The following RYR2 variants were observed in gnomAD, a reference collection of about 807,000 sequenced individuals.
The protein encoded by RYR2 is ryanodine receptor 2, also known as cardiac muscle ryanodine receptor-calcium release channel.
RYR2 carries 227 observed loss-of-function variants against 601.1 expected under a neutral mutation model. The observed-to-expected ratio is 0.38, with a 90% CI of 0.34 to 0.42. RYR2 has a LOEUF of 0.42. Ranked by LOEUF, RYR2 falls within the 10% of genes least tolerant of loss-of-function variation. The pLI is 1.00. For missense variants in RYR2, 4,646 were observed against 6,156.5 expected (o/e 0.75, Z 8.21); for synonymous variants, 2,223 against 2,175.1 (o/e 1.02, Z -0.61).
At chr1:237,765,236 C>A (rs1385080224) in intron 84 of RYR2, among the ~76,000 whole-genome samples, 1 of 152,020 alleles carries the variant, frequency 6.6e-6, no homozygotes, top group African/African-American at 2.4e-5. Context: ...AACCATTAAC[C>A]CCATTACCAA....
intron 1 of RYR2, among the ~76,000 whole-genome samples, chr1:237,051,023 T>A (rs945859415): frequency 7.2e-5 from 11 of 152,240 alleles, no homozygotes; most frequent in African/African-American, 1.2e-4. Flanking sequence ...ATATTTTTTT[T>A]CACCAATTTT....
chr1:237,094,548 G>A (rs1266290012), intron 1 of RYR2, among the ~76,000 whole-genome samples: 2 of 151,138 alleles, frequency 1.3e-5, no homozygotes, highest in Non-Finnish European at 2.9e-5. Context: ...TTTTATGAAT[G>A]CATCATTTGT....
intron 1 of RYR2, among the ~76,000 whole-genome samples, chr1:237,190,248 T>C (rs550770157): frequency 1.2e-4 from 18 of 152,328 alleles, no homozygotes; most frequent in Non-Finnish European, 1.3e-4. Context: ...CGTAGTGTTC[T>C]GATTTCTCTG....
chr1:237,553,991 G>C (rs183571209), intron 27 of RYR2, among the ~76,000 whole-genome samples: 4 of 151,808 alleles, frequency 2.6e-5, no homozygotes, highest in African/African-American at 9.7e-5. Context: ...TTTACAATTG[G>C]TATAGCTTTT....
At position 237,658,031 on chromosome 1, in the gene RYR2, A is replaced by G; in HGVS notation, c.8208+9A>G. The G allele has an allele frequency of 1.4e-6, 2 of 1,437,234 alleles. No individual in the cohort carries two copies. Among genetic ancestry groups the G allele is most frequent in the South Asian group, 1.4e-5 (1 of 70,340 alleles). The allele number at this position is 1,437,234 out of a possible 1,614,324, so 89.0% of individuals were successfully genotyped here. A position where few individuals can be genotyped will look rare whatever the true frequency, so the allele number is the denominator to read the frequency against. On this transcript the variant is annotated intron_variant, in intron 54 of 104. Transcript: ENST00000366574. ...AATGGTCAATGGACAAGGTAAAAAG[A>G]GTATTACATTCTAATTCAGTAGTCA...
At chr1:237,571,233 A>C (rs1407326468) in intron 29 of RYR2, among the ~76,000 whole-genome samples, 1 of 152,048 alleles carries the variant, frequency 6.6e-6, no homozygotes, top group Non-Finnish European at 1.5e-5. Flanking sequence ...GCATATAAAA[A>C]TGTATATATA....
intron 1 of RYR2, among the ~76,000 whole-genome samples, chr1:237,059,204 G>C (rs1482912074): frequency 6.6e-6 from 1 of 152,100 alleles, no homozygotes; most frequent in African/African-American, 2.4e-5. Context: ...TTAAGAGGGT[G>C]CTGTGTATAA....
intron 70 of RYR2, among the ~76,000 whole-genome samples, chr1:237,710,698 T>TATA (rs1688759429): frequency 2.3e-4 from 2 of 8,708 alleles, no homozygotes; most frequent in South Asian, 0.019. Flanking sequence ...AGATTAGGTA[T>TATA]GTAGATAGAT....
chr1:237,255,311 A>G (rs969873475), intron 1 of RYR2, among the ~76,000 whole-genome samples: 1 of 152,170 alleles, frequency 6.6e-6, no homozygotes, highest in African/African-American at 2.4e-5. Flanking sequence ...TAGATCTGAT[A>G]TTTTTACTCA....
chr1:237,047,819 T>C, intron 1 of RYR2, among the ~76,000 whole-genome samples: 1 of 152,198 alleles, frequency 6.6e-6, no homozygotes. Flanking sequence ...TCCCAAAAGA[T>C]TCTGTCCTAT....
intron 25 of RYR2, among the ~76,000 whole-genome samples, chr1:237,533,246 C>T (rs1240631783): frequency 6.6e-6 from 1 of 152,092 alleles, no homozygotes; most frequent in Non-Finnish European, 1.5e-5. Flanking sequence ...TTTATTCTTT[C>T]TCTATTGACA....
In RYR2 at chr1:237,595,528, T is replaced by C; in HGVS notation, c.4467T>C (p.Cys1489=). The C allele has an allele frequency of 6.2e-7, 1 of 1,613,616 alleles. No individual in the cohort carries two copies. The highest frequency in any genetic ancestry group is 1.1e-5 in the South Asian group (1 of 90,994). ...AACGCAGCAACTGCTATATGGTATG[T>C]GCGGGTGAGAGCATGAGCCCCGGGC... ...SIKRSNCYMV[C]AGESMSPGQG... is the part of the protein sequence containing the mutation. The change falls in exon 34 of 105, where the codon TGT becomes TGC. Residue 1489 remains cysteine (C), a synonymous_variant. Coordinates refer to ENST00000366574, the MANE Select transcript of RYR2 (RefSeq NM_001035.3).
intron 1 of RYR2, among the ~76,000 whole-genome samples, chr1:237,226,193 G>A (rs547086550): frequency 2.6e-5 from 4 of 152,322 alleles, no homozygotes; most frequent in Admixed American, 2.6e-4. Flanking sequence ...TTATGGCTCA[G>A]TGGGAAAATT....
At chr1:237,684,405 G>A (rs1018501501) in intron 62 of RYR2, among the ~76,000 whole-genome samples, 4 of 152,208 alleles carry the variant, frequency 2.6e-5, no homozygotes, top group Admixed American at 6.5e-5. Context: ...ATGAGTGTCA[G>A]TGGAGACATC....
At chr1:237,441,175 G>A in intron 12 of RYR2, 144 bp from the exon 13 acceptor site, 1 of 677,066 alleles carries the variant, frequency 1.5e-6, no homozygotes. Flanking sequence ...CGAACTGTTA[G>A]AGTAAAATAT....
chr1:237,042,683 G>A, intron 1 of RYR2, 114 bp downstream of exon 1: 1 of 1,069,098 alleles, frequency 9.4e-7, no homozygotes, highest in African/African-American at 1.6e-5. Flanking sequence ...GGGCGAGGGG[G>A]TGCCCCCTGA....
chr1:237,683,625 T>C (rs778827910), intron 62 of RYR2, among the ~76,000 whole-genome samples: 1 of 152,240 alleles, frequency 6.6e-6, no homozygotes, highest in Non-Finnish European at 1.5e-5. Context: ...AGGTAGGTTA[T>C]ATAGATGGTA....
intron 2 of RYR2, among the ~76,000 whole-genome samples, chr1:237,322,847 T>C (rs1450320139): frequency 6.7e-6 from 1 of 149,438 alleles, no homozygotes. Flanking sequence ...TGTGTGTGTG[T>C]GGTGTTAATT....
chr1:237,814,699 G>A (rs1661603950), intron 100 of RYR2, among the ~76,000 whole-genome samples: 1 of 152,030 alleles, frequency 6.6e-6, no homozygotes, highest in Non-Finnish European at 1.5e-5. Flanking sequence ...AAAGATGATT[G>A]TGGCTAGATA....
Sources: allele counts gnomAD v4.1 joint callset (sites outside exome capture counted in the v4.1 genomes callset), GRCh38; gene constraint gnomAD v4.1.1; transcripts MANE v1.5; gene names NCBI Gene and HGNC (gene_info 2026-07-23, HGNC 2026-07-21).